The following FIP1L1 variants were observed in gnomAD, a reference collection of about 807,000 sequenced individuals.
FIP1L1 encodes the protein pre-mRNA 3'-end-processing factor FIP1.
In FIP1L1, 21 loss-of-function variants were observed where a neutral mutation model predicts 84.6. That is an observed-to-expected ratio of 0.25 (90% CI 0.18 to 0.36). The LOEUF (loss-of-function observed/expected upper bound fraction) is 0.36. FIP1L1 is among the 10% of genes least tolerant of loss of function. The pLI, the probability that FIP1L1 is intolerant of heterozygous loss-of-function variation, is 1.00. For missense variants in FIP1L1, 526 were observed against 751.1 expected (o/e 0.70, Z 3.50); for synonymous variants, 263 against 242.3 (o/e 1.09, Z -0.80).
chr4:53,388,071 TAC>T (rs769560113), intron 5 of FIP1L1, among the ~76,000 whole-genome samples: 2 of 152,386 alleles, frequency 1.3e-5, no homozygotes, highest in South Asian at 2.1e-4. Context: ...GCTGTGGAGC[TAC>T]AGTTATTTGA....
intron 9 of FIP1L1, among the ~76,000 whole-genome samples, chr4:53,394,924 A>T (rs1746435573): frequency 6.6e-6 from 1 of 152,136 alleles, no homozygotes; most frequent in Non-Finnish European, 1.5e-5. Context: ...AAGCTGTGAT[A>T]GGCAGCCAAA....
Position 53,459,405 on chromosome 4 carries a change from C to T in FIP1L1, c.1741C>T (p.Pro581Ser). Residue 581 changes from proline to serine, a missense_variant, in exon 18 of 18, where the codon CCT becomes TCT. By Grantham distance (74) the Pro-to-Ser change is moderately conservative (BLOSUM62 -1). Transcript: ENST00000337488. ...AGAAGGAAAAGAAGCGGGCAGTGAGCCTGCCCCTGAACAGGAGAGCACCGA... is the reference window on the plus strand; with the variant it reads ...AGAAGGAAAAGAAGCGGGCAGTGAGTCTGCCCCTGAACAGGAGAGCACCGA... ...SKEGKEAGSE[P>S]APEQESTEAT... is the part of the protein sequence containing the mutation. 6.2e-7 allele frequency: 1 copy of T among 1,611,946 alleles called. No homozygotes were observed. The highest frequency in any genetic ancestry group is 8.5e-7 in the Non-Finnish European group (1 of 1,179,270).
chr4:53,437,027 A>G (rs928323409), intron 13 of FIP1L1, among the ~76,000 whole-genome samples: 1 of 151,876 alleles, frequency 6.6e-6, no homozygotes, highest in African/African-American at 2.4e-5. Flanking sequence ...CCATCTTTAT[A>G]AAAAATGCAA....
At chr4:53,452,862 G>A in intron 15 of FIP1L1, 58 bp from the exon 16 acceptor site, 1 of 1,274,772 alleles carries the variant, frequency 7.8e-7, no homozygotes, top group Non-Finnish European at 1.1e-6. Context: ...ATTTTTGGTG[G>A]GCATTTTGTT....
chr4:53,428,192 T>TC lies in FIP1L1; in HGVS notation c.1174+9_1174+10insC. On this transcript the variant is annotated intron_variant, in intron 13 of 17. Transcript: ENST00000337488. ...TCTGATTCCACCACCGGGTAAATAG[T>TC]AAATAAGACATTTGACTTTGAAAGA... is the stretch of plus-strand genomic sequence containing the variant. 1 of 1,532,586 alleles carries TC rather than the reference T, an allele frequency of 6.5e-7. No homozygotes were observed. The highest frequency in any genetic ancestry group is 1.3e-5 in the South Asian group (1 of 76,430). The allele number at this position is 1,532,586 out of a possible 1,614,324, so 94.9% of individuals were successfully genotyped here.
Position 53,460,239 on chromosome 4 carries a change from G to A in FIP1L1, c.*790G>A, listed in dbSNP as rs1721643854. ...CATGAGTTTTTATACAGTTACTAAC[G>A]ATTGTGGAAAAAAAGAGCTTTAGCC... On this transcript the variant is annotated 3_prime_UTR_variant, in exon 18 of 18. Transcript: ENST00000337488. 2 of 192,970 alleles carry A rather than the reference G, an allele frequency of 1.0e-5. No homozygotes were observed. The highest frequency in any genetic ancestry group is 3.9e-4 in the South Asian group (2 of 5,182). 12.0% of individuals were successfully genotyped at this position (192,970 alleles called of 1,614,324 possible). A position where few individuals can be genotyped will look rare whatever the true frequency, so the allele number is the denominator to read the frequency against.
At chr4:53,402,798 C>T (rs115105636) in intron 10 of FIP1L1, among the ~76,000 whole-genome samples, 3,575 of 152,170 alleles carry the variant, frequency 0.023, 63 homozygotes, top group Non-Finnish European at 0.035. Flanking sequence ...AGAGGAATGT[C>T]GTTTAATAAA....
At chr4:53,380,868 C>CA (rs1483474013) in intron 3 of FIP1L1, among the ~76,000 whole-genome samples, 2 of 152,138 alleles carry the variant, frequency 1.3e-5, no homozygotes, top group Admixed American at 6.5e-5. Flanking sequence ...GTTTTACAAT[C>CA]AAATATACTT....
At chr4:53,402,339 C>T (rs538436443) in intron 10 of FIP1L1, among the ~76,000 whole-genome samples, 104 of 151,830 alleles carry the variant, frequency 6.8e-4, no homozygotes, top group South Asian at 1.2e-3. Context: ...CTGTGGGGGC[C>T]AGAGAAATGT....
chr4:53,403,401 C>T (rs895310109), intron 10 of FIP1L1, among the ~76,000 whole-genome samples: 7 of 152,086 alleles, frequency 4.6e-5, no homozygotes, highest in Non-Finnish European at 8.8e-5. Flanking sequence ...AAAGTAATTG[C>T]GGTTTTGGAC....
intron 15 of FIP1L1, among the ~76,000 whole-genome samples, chr4:53,445,259 T>TA (rs1416066334): frequency 6.6e-6 from 1 of 152,132 alleles, no homozygotes; most frequent in East Asian, 1.9e-4. Flanking sequence ...TCTGGCTAGT[T>TA]ACGATGAGGA....
chr4:53,402,982 C>T (rs1186929241), intron 10 of FIP1L1, among the ~76,000 whole-genome samples: 1 of 152,002 alleles, frequency 6.6e-6, no homozygotes, highest in East Asian at 1.9e-4. Flanking sequence ...TTCATTTTTC[C>T]CGGCAAAATA....
chr4:53,432,604 C>A (rs1767287236), intron 13 of FIP1L1, among the ~76,000 whole-genome samples: 1 of 152,038 alleles, frequency 6.6e-6, no homozygotes, highest in Non-Finnish European at 1.5e-5. Flanking sequence ...TTATTGAATG[C>A]TCACTTTTCA....
At chr4:53,457,523 G>T (rs576977044) in intron 16 of FIP1L1, among the ~76,000 whole-genome samples, 4 of 152,114 alleles carry the variant, frequency 2.6e-5, no homozygotes, top group Middle Eastern at 3.4e-3. Context: ...ATTAAGCATA[G>T]CATTAATGAA....
chr4:53,434,466 A>C (rs1394203542), intron 13 of FIP1L1, among the ~76,000 whole-genome samples: 2 of 148,468 alleles, frequency 1.3e-5, no homozygotes, highest in African/African-American at 4.9e-5. Flanking sequence ...ATAACATCTT[A>C]GTAAATTTTT....
chr4:53,431,909 T>G (rs748301589), intron 13 of FIP1L1, among the ~76,000 whole-genome samples: 1 of 152,212 alleles, frequency 6.6e-6, no homozygotes, highest in Non-Finnish European at 1.5e-5. Flanking sequence ...CCTCTCACCC[T>G]TAAACACACA....
chr4:53,391,539 G>A (rs1034189510), intron 9 of FIP1L1, 41 bp downstream of exon 9: 43 of 1,466,086 alleles, frequency 2.9e-5, no homozygotes, highest in Non-Finnish European at 3.7e-5. Context: ...CTCATTTTTT[G>A]TTCTTGAGTC....
At chr4:53,386,291 G>T (rs2271555) in intron 5 of FIP1L1, among the ~76,000 whole-genome samples, 123,547 of 152,040 alleles carry the variant, frequency 0.81, 50,322 homozygotes, top group Non-Finnish European at 0.85. Flanking sequence ...TATTATTATT[G>T]TTTTTACATT....
At chr4:53,457,297 C>T (rs1295147564) in intron 16 of FIP1L1, among the ~76,000 whole-genome samples, 1 of 152,114 alleles carries the variant, frequency 6.6e-6, no homozygotes, top group East Asian at 1.9e-4. Context: ...ACTCTTTCTG[C>T]TCCTCTCTAC....
Sources: gnomAD v4.1 joint callset for allele counts (sites outside exome capture counted in the v4.1 genomes callset) on GRCh38, gnomAD v4.1.1 for gene constraint, MANE v1.5 for transcripts, NCBI Gene and HGNC (gene_info 2026-07-23, HGNC 2026-07-21) for gene names.